The following FBXO34 variants were observed in gnomAD, a reference collection of about 807,000 sequenced individuals.
FBXO34 encodes F-box only protein 34.
FBXO34 carries 12 observed loss-of-function variants against 24.5 expected under a neutral mutation model. The observed-to-expected ratio is 0.49, with a 90% CI of 0.31 to 0.79. The LOEUF is 0.79. Among genes scored for constraint, FBXO34 ranks in the 30% least tolerant of loss-of-function variants. The probability of loss-of-function intolerance (pLI) is 0.04; values close to 1 mark genes in which losing one functional copy is unlikely to be tolerated. For synonymous variants in FBXO34, 320 were observed against 311.9 expected (o/e 1.03, Z -0.27); for missense variants, 823 against 857.7 (o/e 0.96, Z 0.51).
At chr14:55,278,907 G>A (rs1174812469) in intron 1 of FBXO34, among the ~76,000 whole-genome samples, 1 of 152,096 alleles carries the variant, frequency 6.6e-6, no homozygotes, top group Non-Finnish European at 1.5e-5. Context: ...GGCTAGTCTC[G>A]AGTTCCTGGG....
intron 1 of FBXO34, among the ~76,000 whole-genome samples, chr14:55,283,248 A>G (rs774384026): frequency 6.6e-6 from 1 of 151,534 alleles, no homozygotes; most frequent in Non-Finnish European, 1.5e-5. Flanking sequence ...ATTTTACTTA[A>G]CATAGGCTAT....
intron 1 of FBXO34, chr14:55,298,727 G>A: frequency 6.4e-7 from 1 of 1,571,362 alleles, no homozygotes; most frequent in Non-Finnish European, 8.7e-7. Context: ...ACACGGAGGA[G>A]ATGTTAAGCA....
At chr14:55,284,061 C>T (rs905933478) in intron 1 of FBXO34, among the ~76,000 whole-genome samples, 1 of 151,824 alleles carries the variant, frequency 6.6e-6, no homozygotes, top group Admixed American at 6.6e-5. Flanking sequence ...TGCAGTGGCA[C>T]GGTCATAGCT....
the FBXO34 span, among the ~76,000 whole-genome samples, chr14:55,388,141 C>CCAA: frequency 6.6e-6 from 1 of 152,068 alleles, no homozygotes; most frequent in Non-Finnish European, 1.5e-5. Flanking sequence ...CATCTCAAAA[C>CCAA]CAACAACAAC....
At chr14:55,339,383 C>CT (rs1555339079) in intron 1 of FBXO34, 1 of 109,164 alleles carries the variant, frequency 9.2e-6, no homozygotes, top group Non-Finnish European at 2.2e-5. Flanking sequence ...CACCTGCCCC[C>CT]CCCCCCAATC....
the FBXO34 span, chr14:55,391,098 G>A: frequency 1.4e-6 from 1 of 705,598 alleles, no homozygotes; most frequent in Non-Finnish European, 2.3e-6. Context: ...AAAACATAAT[G>A]AAGAAAAAGA....
the FBXO34 span, chr14:55,440,482 G>C: frequency 6.2e-7 from 1 of 1,612,650 alleles, no homozygotes; most frequent in Admixed American, 1.7e-5. Flanking sequence ...GGTGGGGGCG[G>C]GTAAGAGGGT....
chr14:55,413,846 C>CA, the FBXO34 span: 1 of 404,278 alleles, frequency 2.5e-6, no homozygotes, highest in Non-Finnish European at 4.8e-6. Context: ...ACAATGCCAA[C>CA]AGCATGCTGG....
At chr14:55,286,269 T>G (rs754506707) in intron 1 of FBXO34, among the ~76,000 whole-genome samples, 1 of 152,228 alleles carries the variant, frequency 6.6e-6, no homozygotes, top group African/African-American at 2.4e-5. Context: ...TGAATTCAAT[T>G]TAATGTTCTT....
the FBXO34 span, among the ~76,000 whole-genome samples, chr14:55,387,944 G>C: frequency 6.6e-6 from 1 of 152,178 alleles, no homozygotes; most frequent in Non-Finnish European, 1.5e-5. Context: ...TTATAGGCAT[G>C]AGCCACTGCA....
the FBXO34 span, chr14:55,435,973 T>C: frequency 8.8e-7 from 1 of 1,133,846 alleles, no homozygotes; most frequent in Non-Finnish European, 1.2e-6. Context: ...ATATCAGATA[T>C]AAAGAGTAAA....
At chr14:55,387,776 C>A in the FBXO34 span, among the ~76,000 whole-genome samples, 1 of 152,024 alleles carries the variant, frequency 6.6e-6, no homozygotes, top group African/African-American at 2.4e-5. Context: ...TCAATTGATT[C>A]TCCTGACCCA....
chr14:55,408,354 C>CT, the FBXO34 span, among the ~76,000 whole-genome samples: 1 of 152,138 alleles, frequency 6.6e-6, no homozygotes, highest in East Asian at 1.9e-4. Flanking sequence ...ACCAGGGAGA[C>CT]TGAGACAGGA....
the FBXO34 span, among the ~76,000 whole-genome samples, chr14:55,375,467 C>A: frequency 2.0e-5 from 3 of 149,234 alleles, no homozygotes; most frequent in African/African-American, 7.4e-5. Context: ...GGACTACAGG[C>A]ATGCATTACC....
intron 1 of FBXO34, among the ~76,000 whole-genome samples, chr14:55,338,076 G>A (rs1883851728): frequency 1.9e-5 from 1 of 52,826 alleles, no homozygotes. Context: ...TTGAGATGGA[G>A]TCTCGCTCTG....
the FBXO34 span, among the ~76,000 whole-genome samples, chr14:55,438,051 G>T: frequency 2.6e-5 from 4 of 152,126 alleles, no homozygotes; most frequent in African/African-American, 9.7e-5. Context: ...GGAAAAAATC[G>T]ATTAGCTTGA....
At chr14:55,428,892 T>C in the FBXO34 span, 4 of 1,614,076 alleles carry the variant, frequency 2.5e-6, no homozygotes, top group African/African-American at 1.3e-5. Flanking sequence ...TTCTGAATTT[T>C]AAAATCGAGG....
chr14:55,353,022 G>A lies in FBXO34; in HGVS notation c.*496G>A, dbSNP rs1884445677. The stretch of plus-strand genomic sequence containing the variant: ...AGGCACCCCACCTTAGACCTCGTAT[G>A]CTTGATCCTGTGAGATTGATGTTTG... On this transcript the variant is annotated 3_prime_UTR_variant, in exon 2 of 2. Transcript: ENST00000313833. The A allele has an allele frequency of 1.2e-5, 2 of 171,496 alleles. No individual in the cohort carries two copies. Among genetic ancestry groups the A allele is most frequent in the African/African-American group, 4.8e-5 (2 of 41,466 alleles). The allele number at this position is 171,496 out of a possible 1,614,324, so 10.6% of individuals were successfully genotyped here.
chr14:55,314,119 C>G (rs1181750432), intron 1 of FBXO34, among the ~76,000 whole-genome samples: 1 of 151,396 alleles, frequency 6.6e-6, no homozygotes, highest in African/African-American at 2.4e-5. Context: ...CTTTTTTGCC[C>G]AGGGTGGTCT....
Sources: allele counts gnomAD v4.1 joint callset (sites outside exome capture counted in the v4.1 genomes callset), GRCh38; gene constraint gnomAD v4.1.1; transcripts MANE v1.5; gene names NCBI Gene and HGNC (gene_info 2026-07-23, HGNC 2026-07-21).